MALRD1: variants seen among roughly 807,000 people sequenced by gnomAD.
MALRD1 encodes the protein MAM and LDL-receptor class A domain-containing protein 1.
In MALRD1, 247 loss-of-function variants were observed where a neutral mutation model predicts 242.1. That is an observed-to-expected ratio of 1.02 (90% CI 0.92 to 1.13). The LOEUF is 1.13. Ranked by LOEUF, MALRD1 falls within the 50% of genes most tolerant of loss-of-function variation. MALRD1 has a pLI of 0.00. For synonymous variants in MALRD1, 995 were observed against 866.6 expected, an observed-to-expected ratio of 1.15 and a Z score of -2.60; for missense variants, 2,989 against 2,533.1, an observed-to-expected ratio of 1.18 and a Z score of -3.86.
chr10:19,437,350 A>G (rs1012411923), intron 28 of MALRD1, among the ~76,000 whole-genome samples: 9 of 151,890 alleles, frequency 5.9e-5, no homozygotes, highest in Admixed American at 3.3e-4. Flanking sequence ...GAGGGCCCTG[A>G]CACTGATATG....
At chr10:19,353,626 A>G (rs760923639) in intron 26 of MALRD1, among the ~76,000 whole-genome samples, 5 of 152,230 alleles carry the variant, frequency 3.3e-5, no homozygotes, top group Non-Finnish European at 7.3e-5. Flanking sequence ...AGGAAAGCAA[A>G]TAAACATTTT....
At chr10:19,380,681 A>G (rs1196934678) in intron 26 of MALRD1, among the ~76,000 whole-genome samples, 1 of 152,154 alleles carries the variant, frequency 6.6e-6, no homozygotes, top group Non-Finnish European at 1.5e-5. Context: ...TGAACATTAT[A>G]TAGAATTTAA....
intron 24 of MALRD1, among the ~76,000 whole-genome samples, chr10:19,341,765 A>C (rs763926985): frequency 6.6e-6 from 1 of 152,054 alleles, no homozygotes; most frequent in Non-Finnish European, 1.5e-5. Flanking sequence ...ACGATATGCG[A>C]TGTAACTGAA....
intron 21 of MALRD1, among the ~76,000 whole-genome samples, chr10:19,314,408 T>C (rs755555869): frequency 4.6e-5 from 7 of 151,556 alleles, no homozygotes; most frequent in Non-Finnish European, 1.0e-4. Flanking sequence ...GGAGGACCAA[T>C]ACCAGAAGTT....
intron 4 of MALRD1, among the ~76,000 whole-genome samples, chr10:19,103,261 C>T (rs935092648): frequency 3.3e-5 from 5 of 151,872 alleles, no homozygotes; most frequent in Non-Finnish European, 7.4e-5. Flanking sequence ...AGGCAAGAGT[C>T]GATAAGATTT....
chr10:19,714,773 A>C (rs1834306593), intron 38 of MALRD1, among the ~76,000 whole-genome samples: 2 of 152,116 alleles, frequency 1.3e-5, no homozygotes, highest in Admixed American at 6.5e-5. Flanking sequence ...TGCGGATCGC[A>C]TCTTTTATTT....
At chr10:19,292,291 C>T (rs1402306872) in intron 21 of MALRD1, among the ~76,000 whole-genome samples, 1 of 151,988 alleles carries the variant, frequency 6.6e-6, no homozygotes, top group Admixed American at 6.6e-5. Flanking sequence ...ATCAAAATTA[C>T]CTTTGTCTTT....
intron 34 of MALRD1, among the ~76,000 whole-genome samples, chr10:19,597,246 A>C (rs2131564152): frequency 6.6e-6 from 1 of 152,326 alleles, no homozygotes; most frequent in East Asian, 1.9e-4. Context: ...TCAGAGCTCT[A>C]ATGTAATTTG....
At chr10:19,412,388 G>A (rs1484518086) in intron 28 of MALRD1, among the ~76,000 whole-genome samples, 1 of 152,060 alleles carries the variant, frequency 6.6e-6, no homozygotes, top group South Asian at 2.1e-4. Context: ...CAATTGAAGG[G>A]GTACTGGAAA....
chr10:19,226,262 A>G (rs1220922780), intron 18 of MALRD1, among the ~76,000 whole-genome samples: 3 of 152,176 alleles, frequency 2.0e-5, no homozygotes, highest in Non-Finnish European at 4.4e-5. Context: ...CAAAAAAGGA[A>G]TTTACAAAAT....
intron 4 of MALRD1, among the ~76,000 whole-genome samples, chr10:19,101,325 A>C (rs1221440038): frequency 6.9e-6 from 1 of 145,614 alleles, no homozygotes; most frequent in Non-Finnish European, 1.5e-5. Context: ...AGATATTTTG[A>C]ATCAAACTAC....
chr10:19,629,614 G>T (rs1377377350), intron 36 of MALRD1, among the ~76,000 whole-genome samples: 2 of 152,156 alleles, frequency 1.3e-5, no homozygotes, highest in East Asian at 3.9e-4. Flanking sequence ...GGTTGAAAAT[G>T]ACACCTCTTC....
intron 28 of MALRD1, among the ~76,000 whole-genome samples, chr10:19,439,328 T>C (rs1485354567): frequency 6.6e-6 from 1 of 152,034 alleles, no homozygotes; most frequent in Non-Finnish European, 1.5e-5. Flanking sequence ...CCCATTAGTT[T>C]AAAACCAGCC....
intron 32 of MALRD1, among the ~76,000 whole-genome samples, chr10:19,559,625 C>A (rs942482715): frequency 1.3e-5 from 2 of 151,958 alleles, no homozygotes; most frequent in African/African-American, 2.4e-5. Flanking sequence ...GCAACAAAGA[C>A]CAAAATTGAC....
chr10:19,186,679 G>A (rs963624416), intron 14 of MALRD1, among the ~76,000 whole-genome samples: 8 of 151,270 alleles, frequency 5.3e-5, no homozygotes, highest in African/African-American at 9.7e-5. Context: ...TTTTTTTTCC[G>A]TGTCATACTT....
rs542832627 is a variant in MALRD1, at chr10:19,125,350, T to C, written c.943+680T>C. 1.9e-3 allele frequency among the ~76,000 whole-genome samples: 205 copies of C among 107,214 alleles called. 4 individuals are homozygous for C. Among genetic ancestry groups the C allele is most frequent in the African/African-American group, 7.4e-3 (194 of 26,262 alleles). The allele number at this position is 107,214 out of a possible 152,430, so 70.3% of individuals were successfully genotyped here. ...CTTTCTTTCTTTCTTTCTTTCTTTC[T>C]TTCTTTCTTTCTTTCTTTCTTTCTT... On this transcript the variant is annotated intron_variant, in intron 7 of 39. Coordinates refer to ENST00000454679, the MANE Select transcript of MALRD1 (RefSeq NM_001142308.3).
At position 19,663,619 on chromosome 10, in the gene MALRD1, T is replaced by C. The variant is rs187435093; in HGVS notation, c.6138-28663T>C. On this transcript the variant is annotated intron_variant, in intron 36 of 39. Transcript: ENST00000454679. The stretch of plus-strand genomic sequence containing the variant: ...AAATTGGAGCATGATTTTTAATGGG[T>C]TGTCAGAAGATAGAGCAGAACCCAG... 2.2e-3 allele frequency among the ~76,000 whole-genome samples: 333 copies of C among 152,128 alleles called. 3 individuals carry two copies. The highest frequency in any genetic ancestry group is 7.5e-3 in the African/African-American group (310 of 41,500).
At chr10:19,493,516 T>C (rs977473663) in intron 30 of MALRD1, among the ~76,000 whole-genome samples, 1 of 151,950 alleles carries the variant, frequency 6.6e-6, no homozygotes. Flanking sequence ...TCTAGCTTCT[T>C]TTAAATTCAC....
At chr10:19,121,534 GT>G (rs1294644201) in intron 5 of MALRD1, among the ~76,000 whole-genome samples, 2 of 152,176 alleles carry the variant, frequency 1.3e-5, no homozygotes, top group African/African-American at 4.8e-5. Flanking sequence ...TCAGGAGAAT[GT>G]TTTTCTAAGA....
Sources: gnomAD v4.1 joint callset for allele counts (sites outside exome capture counted in the v4.1 genomes callset) on GRCh38, gnomAD v4.1.1 for gene constraint, MANE v1.5 for transcripts, NCBI Gene and HGNC (gene_info 2026-07-23, HGNC 2026-07-21) for gene names.